The following CHCHD6 variants were observed in gnomAD, a reference collection of about 807,000 sequenced individuals.
The protein encoded by CHCHD6 is coiled-coil-helix-coiled-coil-helix domain containing 6, also known as MICOS complex subunit MIC25.
A neutral mutation model predicts 32.3 loss-of-function variants in CHCHD6; 28 were observed. The observed-to-expected ratio is 0.87, with a 90% CI of 0.64 to 1.19. The LOEUF (loss-of-function observed/expected upper bound fraction) is 1.19, where lower values mean the gene tolerates loss of function less well. Ranked by LOEUF, CHCHD6 falls within the 50% of genes most tolerant of loss-of-function variation. The probability of loss-of-function intolerance (pLI) is 0.00; values close to 1 mark genes in which losing one functional copy is unlikely to be tolerated. For missense variants in CHCHD6, 333 were observed against 307.0 expected, an observed-to-expected ratio of 1.08 and a Z score of -0.63; for synonymous variants, 122 against 117.5, an observed-to-expected ratio of 1.04 and a Z score of -0.25.
In CHCHD6 at chr3:126,805,000, A is replaced by G. The variant is rs1373462450; in HGVS notation, c.412-47647A>G. On this transcript the variant is annotated intron_variant, in intron 4 of 7. Transcript: ENST00000290913. ...AAAAGGCCTTTGACAAAATTCAACA[A>G]CCCTTCATGCTAAAAACTCTCAATA... 2.6e-5 allele frequency among the ~76,000 whole-genome samples: 4 copies of G among 152,036 alleles called. 1 individual carries two copies. The highest frequency in any genetic ancestry group is 1.5e-5 in the Non-Finnish European group (1 of 67,954).
intron 1 of CHCHD6, among the ~76,000 whole-genome samples, chr3:126,724,510 C>T (rs1404680036): frequency 1.3e-5 from 2 of 152,108 alleles, no homozygotes; most frequent in Non-Finnish European, 2.9e-5. Flanking sequence ...AATCTTTTTG[C>T]TGGTGGGGGG....
chr3:126,775,476 G>A (rs1937620906), intron 4 of CHCHD6, among the ~76,000 whole-genome samples: 1 of 152,172 alleles, frequency 6.6e-6, no homozygotes. Context: ...GGCCCAGCCA[G>A]GAGAAACTAC....
chr3:126,957,717 C>T, intron 7 of CHCHD6, 166 bp downstream of exon 7: 1 of 806,668 alleles, frequency 1.2e-6, no homozygotes, highest in South Asian at 1.6e-5. Context: ...TCCTCAGTCA[C>T]CTGCACACTC....
intron 4 of CHCHD6, among the ~76,000 whole-genome samples, chr3:126,826,526 T>C (rs924812825): frequency 2.0e-5 from 3 of 152,180 alleles, no homozygotes; most frequent in Admixed American, 2.0e-4. Context: ...ACACTAATAG[T>C]CATTGCCTTG....
chr3:126,730,861 C>T (rs1207955486), intron 3 of CHCHD6, among the ~76,000 whole-genome samples: 1 of 152,068 alleles, frequency 6.6e-6, no homozygotes, highest in East Asian at 1.9e-4. Context: ...TCATGCCCAG[C>T]AGTTTGAGAG....
At position 126,719,829 on chromosome 3, in the gene CHCHD6, C is replaced by A. The variant is rs151333990; in HGVS notation, c.88-7249C>A. Among the ~76,000 whole-genome samples, 127 of 152,196 alleles carry A rather than the reference C, an allele frequency of 8.3e-4. 1 individual carries two copies. The highest frequency in any genetic ancestry group is 2.9e-3 in the African/African-American group (120 of 41,516). ...TTACCGCTCCCTTGTCTGTTTGCCT[C>A]TGGATGGGGTGCTTCCTCTGCTCCT... On this transcript the variant is annotated intron_variant, in intron 1 of 7. Coordinates refer to ENST00000290913, the MANE Select transcript of CHCHD6 (RefSeq NM_032343.3).
chr3:126,707,793 A>G (rs2107648443), intron 1 of CHCHD6, among the ~76,000 whole-genome samples: 1 of 152,368 alleles, frequency 6.6e-6, no homozygotes, highest in Non-Finnish European at 1.5e-5. Context: ...CACACAAGAG[A>G]GTCCCCCATT....
At chr3:126,911,457 A>G (rs2078089282) in intron 5 of CHCHD6, among the ~76,000 whole-genome samples, 1 of 152,206 alleles carries the variant, frequency 6.6e-6, no homozygotes, top group African/African-American at 2.4e-5. Context: ...GGTATTCCCA[A>G]GTTGTGGGCC....
chr3:126,823,908 C>G (rs866699282), intron 4 of CHCHD6, among the ~76,000 whole-genome samples: 2 of 131,946 alleles, frequency 1.5e-5, no homozygotes, highest in Non-Finnish European at 3.5e-5. Context: ...AACAAAAACA[C>G]ACACACACAC....
At chr3:126,779,535 CAAAAA>C (rs11288509) in intron 4 of CHCHD6, among the ~76,000 whole-genome samples, 4 of 78,096 alleles carry the variant, frequency 5.1e-5, no homozygotes, top group Admixed American at 1.5e-4. Context: ...GACTCCATCT[CAAAAA>C]AAAAAAAAAA....
chr3:126,733,953 C>T (rs994868391), intron 4 of CHCHD6, among the ~76,000 whole-genome samples: 9 of 152,214 alleles, frequency 5.9e-5, no homozygotes, highest in African/African-American at 2.2e-4. Flanking sequence ...CTGCCATCCA[C>T]AGTGTGCCAG....
intron 6 of CHCHD6, chr3:126,949,327 G>A (rs73193105): frequency 0.012 from 2,561 of 215,090 alleles, 24 homozygotes; most frequent in African/African-American, 0.023. Flanking sequence ...GTCATGGACA[G>A]CTACACAGGC....
intron 4 of CHCHD6, among the ~76,000 whole-genome samples, chr3:126,813,185 A>T (rs990072726): frequency 5.3e-5 from 8 of 152,184 alleles, no homozygotes; most frequent in African/African-American, 1.9e-4. Flanking sequence ...TTTGCCTTTT[A>T]TCGGCCACAG....
rs199643900 is a variant in CHCHD6 at position 126,733,174 on chromosome 3, C to A, written c.363C>A (p.Pro121=). 8.1e-6 allele frequency: 13 copies of A among 1,614,158 alleles called. No homozygotes were observed. The highest frequency in any genetic ancestry group is 1.7e-4 in the Middle Eastern group (1 of 6,060). ...CCAAGCACTCCAAGGCATCCCTGCC[C>A]ACGGGCGAAGGCAGCATCAGCCATG... The part of the protein sequence containing the change: ...AATKHSKASL[P]TGEGSISHEE... Residue 121 remains proline (P), a synonymous_variant, in exon 4 of 8, where the codon CCC becomes CCA. Transcript: ENST00000290913.
intron 6 of CHCHD6, among the ~76,000 whole-genome samples, chr3:126,921,722 C>G (rs1291716254): frequency 6.6e-6 from 1 of 152,184 alleles, no homozygotes; most frequent in African/African-American, 2.4e-5. Context: ...GATGTGGCAG[C>G]CTTGGGACTC....
intron 4 of CHCHD6, among the ~76,000 whole-genome samples, chr3:126,836,720 G>T (rs1250846111): frequency 6.6e-6 from 1 of 152,230 alleles, no homozygotes. Context: ...GAGGGCGTCT[G>T]CAGGGATACG....
At chr3:126,950,728 G>A (rs2078704121) in intron 6 of CHCHD6, among the ~76,000 whole-genome samples, 1 of 152,024 alleles carries the variant, frequency 6.6e-6, no homozygotes, top group Admixed American at 6.5e-5. Context: ...AGGATTACAG[G>A]CATGAGCCAT....
At chr3:126,753,646 C>T (rs988694252) in intron 4 of CHCHD6, among the ~76,000 whole-genome samples, 2 of 152,224 alleles carry the variant, frequency 1.3e-5, no homozygotes, top group African/African-American at 4.8e-5. Context: ...CTTCATCTGC[C>T]CTTGCCCCTG....
intron 4 of CHCHD6, among the ~76,000 whole-genome samples, chr3:126,778,431 C>T (rs1188522160): frequency 1.3e-5 from 2 of 152,188 alleles, no homozygotes; most frequent in African/African-American, 4.8e-5. Context: ...TCTTCACCAA[C>T]GCTTGTCTTT....
Sources: allele counts gnomAD v4.1 joint callset (sites outside exome capture counted in the v4.1 genomes callset), GRCh38; gene constraint gnomAD v4.1.1; transcripts MANE v1.5; gene names NCBI Gene and HGNC (gene_info 2026-07-23, HGNC 2026-07-21).